GTF2IRD1: variants seen among roughly 807,000 people sequenced by gnomAD.
The protein encoded by GTF2IRD1 is general transcription factor II-I repeat domain-containing protein 1.
A neutral mutation model predicts 113.2 loss-of-function variants in GTF2IRD1; 26 were observed. The observed-to-expected ratio is 0.23, with a 90% CI of 0.17 to 0.32. The LOEUF (loss-of-function observed/expected upper bound fraction) is 0.32. Ranked by LOEUF, GTF2IRD1 falls within the 10% of genes least tolerant of loss-of-function variation. The pLI is 1.00. For synonymous variants in GTF2IRD1, 484 were observed against 529.1 expected (o/e 0.91, Z 1.17); for missense variants, 864 against 1,280.8 (o/e 0.67, Z 4.97).
intron 22 of GTF2IRD1, among the ~76,000 whole-genome samples, chr7:74,577,532 G>A (rs1330106972): frequency 3.9e-5 from 6 of 152,152 alleles, no homozygotes; most frequent in South Asian, 2.1e-4. Context: ...TAGCATCATC[G>A]TACTTATACA....
chr7:74,518,330 A>T lies in GTF2IRD1; in HGVS notation c.605+8A>T. Reference sequence around the variant, plus strand: ...CCGCTTCAAGCTCAAGAGGTGAGTGAGGTAGCCGGCCCGGGGCTGGGCTGG... The same window carrying T: ...CCGCTTCAAGCTCAAGAGGTGAGTGTGGTAGCCGGCCCGGGGCTGGGCTGG... On this transcript the variant is annotated splice_region_variant and intron_variant, in intron 5 of 26. Transcript: ENST00000424337. 6.4e-7 allele frequency: 1 copy of T among 1,574,554 alleles called. No individual in the cohort carries two copies.
In GTF2IRD1 at chr7:74,529,831, C is replaced by T. The variant is rs782201223; in HGVS notation, c.1188C>T (p.Ile396=). ...AVEIVGIPDK[I]PFKRPCTYGV... Reference sequence around the variant, plus strand: ...AGATCGTGGGCATCCCGGACAAGATCCCCTTCAAGCGCCCCTGCACTTATG... The same window carrying T: ...AGATCGTGGGCATCCCGGACAAGATTCCCTTCAAGCGCCCCTGCACTTATG... Residue 396 remains isoleucine, a synonymous_variant, in exon 9 of 27, where the codon ATC becomes ATT. Coordinates refer to ENST00000424337, the MANE Select transcript of GTF2IRD1 (RefSeq NM_005685.4). The T allele has an allele frequency of 6.8e-6, 11 of 1,613,676 alleles. No individual in the cohort carries two copies. The Admixed American group carries it at 8.3e-5, about 12-fold the overall frequency.
chr7:74,523,718 C>T (rs1797424530), intron 7 of GTF2IRD1, among the ~76,000 whole-genome samples: 1 of 148,974 alleles, frequency 6.7e-6, no homozygotes, highest in South Asian at 2.1e-4. Flanking sequence ...GAGTCACCAT[C>T]TAAAGGAAAA....
At chr7:74,504,573 A>G (rs960605849) in intron 1 of GTF2IRD1, among the ~76,000 whole-genome samples, 1 of 150,466 alleles carries the variant, frequency 6.6e-6, no homozygotes, top group Non-Finnish European at 1.5e-5. Context: ...GCAAGGCTGG[A>G]GACAGACAGC....
chr7:74,505,543 G>A lies in GTF2IRD1; in HGVS notation c.-6-2532G>A, dbSNP rs577593750. 4.6e-5 allele frequency among the ~76,000 whole-genome samples: 7 copies of A among 152,300 alleles called. No homozygotes were observed. The South Asian group carries it at 6.2e-4, about 14-fold the overall frequency. ...TGGAGTCCCTGGTTCCTTCCTAAAC[G>A]GATTAGAGCCTTTACCGGAAGGAGC... On this transcript the variant is annotated intron_variant, in intron 1 of 26. Coordinates refer to ENST00000424337, the MANE Select transcript of GTF2IRD1 (RefSeq NM_005685.4).
chr7:74,520,246 T>C (rs1554345653), intron 6 of GTF2IRD1, among the ~76,000 whole-genome samples: 1 of 151,700 alleles, frequency 6.6e-6, no homozygotes, highest in African/African-American at 2.4e-5. Flanking sequence ...ACCCACTGCA[T>C]ACCCAGCCTG....
rs575582102 is a variant in GTF2IRD1 at position 74,494,925 on chromosome 7, A to T, written c.-6-13150A>T. 5.2e-4 allele frequency among the ~76,000 whole-genome samples: 79 copies of T among 151,728 alleles called. 1 individual carries two copies. In the South Asian group the frequency reaches 0.016, roughly 31 times the overall value. On this transcript the variant is annotated intron_variant, in intron 1 of 26. Coordinates refer to ENST00000424337, the MANE Select transcript of GTF2IRD1 (RefSeq NM_005685.4). ...CACTACCATGCCTAGCTAATTTTAA[A>T]TTTTTTTTGTAGAGATGGGGGGTCT...
At chr7:74,508,555 G>A (rs1554341838) in intron 2 of GTF2IRD1, among the ~76,000 whole-genome samples, 6 of 152,094 alleles carry the variant, frequency 3.9e-5, no homozygotes, top group African/African-American at 1.4e-4. Context: ...GCTGGGCGTG[G>A]TGGCATGCGC....
intron 1 of GTF2IRD1, among the ~76,000 whole-genome samples, chr7:74,482,439 G>C (rs921467298): frequency 4.6e-5 from 7 of 151,630 alleles, no homozygotes; most frequent in Non-Finnish European, 1.0e-4. Flanking sequence ...TGTTGTCCAG[G>C]CTGGTCTCAA....
chr7:74,533,196 G>A (rs1798076266), intron 9 of GTF2IRD1, among the ~76,000 whole-genome samples: 2 of 147,674 alleles, frequency 1.4e-5, no homozygotes, highest in South Asian at 4.3e-4. Context: ...GTGCAGTGGT[G>A]CTATGTCGGC....
intron 1 of GTF2IRD1, among the ~76,000 whole-genome samples, chr7:74,503,507 G>A (rs1371136634): frequency 6.6e-6 from 1 of 152,106 alleles, no homozygotes; most frequent in Non-Finnish European, 1.5e-5. Flanking sequence ...CCAGCACTTT[G>A]GGAGGCCAAG....
intron 22 of GTF2IRD1, 80 bp from the exon 23 acceptor site, chr7:74,589,771 G>A (rs1801942833): frequency 1.2e-6 from 1 of 828,852 alleles, no homozygotes; most frequent in Admixed American, 1.8e-5. Flanking sequence ...TGGCAGATCA[G>A]GGACGCCTGG....
rs1554345513 is a variant in GTF2IRD1 at position 74,519,714 on chromosome 7, G to A, written c.911G>A (p.Cys304Tyr). The A allele has an allele frequency of 6.4e-7, 1 of 1,564,702 alleles. No individual in the cohort carries two copies. The highest frequency in any genetic ancestry group is 8.7e-7 in the Non-Finnish European group (1 of 1,153,630). ...ACCGGTGCCCAAGACTTCTCCGACTGTTGTGGTAACATTGCTGCTGGGATC... is the reference window on the plus strand; with the variant it reads ...ACCGGTGCCCAAGACTTCTCCGACTATTGTGGTAACATTGCTGCTGGGATC... ...KATGAQDFSD[C>Y]CGQKPTGPGG... Residue 304 changes from cysteine (C) to tyrosine (Y), a missense_variant, in exon 6 of 27, where the codon TGT becomes TAT. Coordinates refer to ENST00000424337, the MANE Select transcript of GTF2IRD1 (RefSeq NM_005685.4).
chr7:74,556,704 A>G (rs587685229), intron 19 of GTF2IRD1, among the ~76,000 whole-genome samples: 8 of 142,444 alleles, frequency 5.6e-5, no homozygotes, highest in African/African-American at 1.8e-4. Flanking sequence ...GCTCACTACA[A>G]CCTCCACCTC....
intron 11 of GTF2IRD1, among the ~76,000 whole-genome samples, chr7:74,537,425 CA>C (rs1285667687): frequency 1.3e-5 from 2 of 150,680 alleles, no homozygotes; most frequent in African/African-American, 4.9e-5. Context: ...AAAAAAAAAA[CA>C]AAAAAAACAT....
At chr7:74,484,429 G>A (rs1189003910) in intron 1 of GTF2IRD1, among the ~76,000 whole-genome samples, 1 of 149,598 alleles carries the variant, frequency 6.7e-6, no homozygotes, top group African/African-American at 2.5e-5. Flanking sequence ...TTACAGGCAT[G>A]AGCCACCACA....
intron 14 of GTF2IRD1, among the ~76,000 whole-genome samples, chr7:74,544,453 TG>T (rs1798810102): frequency 6.6e-6 from 1 of 152,250 alleles, no homozygotes; most frequent in African/African-American, 2.4e-5. Flanking sequence ...CCCAAAGTGC[TG>T]GGATTACAGG....
chr7:74,566,208 C>A (rs782103699), intron 22 of GTF2IRD1, among the ~76,000 whole-genome samples: 1 of 152,142 alleles, frequency 6.6e-6, no homozygotes, highest in African/African-American at 2.4e-5. Context: ...ACACATTTAA[C>A]CTTAAAACAT....
At chr7:74,459,932 C>T (rs1003767485) in intron 1 of GTF2IRD1, among the ~76,000 whole-genome samples, 5 of 148,524 alleles carry the variant, frequency 3.4e-5, no homozygotes, top group South Asian at 4.2e-4. Flanking sequence ...TGATCTGGAG[C>T]GAGTTTGAAT....
Sources: allele counts gnomAD v4.1 joint callset (sites outside exome capture counted in the v4.1 genomes callset), GRCh38; gene constraint gnomAD v4.1.1; transcripts MANE v1.5; gene names NCBI Gene and HGNC (gene_info 2026-07-23, HGNC 2026-07-21).